The following PLAUR variants were observed in gnomAD, a reference collection of about 807,000 sequenced individuals.
PLAUR encodes the protein plasminogen activator, urokinase receptor.
In PLAUR, 22 loss-of-function variants were observed where a neutral mutation model predicts 33.4. The observed-to-expected ratio is 0.66, with a 90% confidence interval of 0.47 to 0.94. PLAUR has a LOEUF of 0.94. PLAUR is among the 40% of genes least tolerant of loss of function. PLAUR has a pLI of 0.00. For synonymous variants in PLAUR, 148 were observed against 167.3 expected (o/e 0.88, Z 0.89); for missense variants, 408 against 434.7 (o/e 0.94, Z 0.55).
intron 3 of PLAUR, among the ~76,000 whole-genome samples, chr19:43,664,890 G>C (rs1486178995): frequency 6.6e-6 from 1 of 152,150 alleles, no homozygotes; most frequent in African/African-American, 2.4e-5. Flanking sequence ...AGCTTGTTAA[G>C]GGCAGAGTTG....
At chr19:43,652,047 C>T in intron 6 of PLAUR, 178 bp downstream of exon 6, 1 of 1,389,788 alleles carries the variant, frequency 7.2e-7, no homozygotes, top group Non-Finnish European at 9.4e-7. Context: ...GCAAAAATGT[C>T]CACATCCTGA....
chr19:43,663,994 C>T (rs967235441), intron 3 of PLAUR, among the ~76,000 whole-genome samples: 3 of 152,082 alleles, frequency 2.0e-5, no homozygotes, highest in Non-Finnish European at 4.4e-5. Flanking sequence ...TGGAAAGGGG[C>T]AACACCAGGC....
At chr19:43,646,616 T>C, downstream of PLAUR, 1 of 701,924 alleles carries the variant, frequency 1.4e-6, no homozygotes, top group Non-Finnish European at 2.6e-6. Context: ...ACAGCAAAAC[T>C]TCCACCACAT....
chr19:43,664,830 A>G (rs1357702979), intron 3 of PLAUR, among the ~76,000 whole-genome samples: 1 of 152,224 alleles, frequency 6.6e-6, no homozygotes, highest in Non-Finnish European at 1.5e-5. Context: ...GCCCAGTCAG[A>G]TGGACAAACA....
chr19:43,649,884 C>T (rs1973922165), intron 6 of PLAUR, among the ~76,000 whole-genome samples: 1 of 152,080 alleles, frequency 6.6e-6, no homozygotes, highest in African/African-American at 2.4e-5. Flanking sequence ...CCAAAAACTC[C>T]AGGACATGTG....
At chr19:43,660,614 T>A (rs1838496042) in intron 3 of PLAUR, 1 of 151,810 alleles carries the variant, frequency 6.6e-6, no homozygotes, top group African/African-American at 2.4e-5. Context: ...CTTCAACCCC[T>A]CCTTAGACAA....
chr19:43,656,736 C>T, intron 3 of PLAUR, 96 bp from the exon 4 acceptor site: 2 of 1,007,376 alleles, frequency 2.0e-6, no homozygotes, highest in Non-Finnish European at 2.9e-6. Flanking sequence ...CCTCCTTATC[C>T]CACCCTGCAG....
chr19:43,660,055 T>G (rs1568559712), intron 3 of PLAUR, among the ~76,000 whole-genome samples: 1 of 152,232 alleles, frequency 6.6e-6, no homozygotes. Flanking sequence ...TCTGGTCAAT[T>G]GGTCCCTTTT....
At chr19:43,652,002 G>C in intron 6 of PLAUR, 1 of 1,306,440 alleles carries the variant, frequency 7.7e-7, no homozygotes, top group Non-Finnish European at 9.8e-7. Flanking sequence ...ACAAGCTTCA[G>C]CCACCGCACC....
intron 3 of PLAUR, among the ~76,000 whole-genome samples, chr19:43,657,799 A>AAATGAATGTT (rs1034278111): frequency 2.6e-5 from 4 of 152,204 alleles, no homozygotes; most frequent in African/African-American, 9.6e-5. Context: ...CATATTTGTT[A>AAATGAATGTT]AATGAATGAA....
At chr19:43,663,436 T>C (rs541089851) in intron 3 of PLAUR, among the ~76,000 whole-genome samples, 1 of 151,196 alleles carries the variant, frequency 6.6e-6, no homozygotes, top group African/African-American at 2.4e-5. Context: ...AAGTACTGAG[T>C]GCAGTTTAAC....
intron 5 of PLAUR, among the ~76,000 whole-genome samples, chr19:43,654,303 A>G (rs556927160): frequency 5.3e-5 from 8 of 151,828 alleles, no homozygotes; most frequent in Non-Finnish European, 2.9e-5. Flanking sequence ...AGAAAACACA[A>G]AACCCCAAAA....
At chr19:43,657,101 G>A (rs765279359) in intron 3 of PLAUR, among the ~76,000 whole-genome samples, 23 of 152,008 alleles carry the variant, frequency 1.5e-4, no homozygotes, top group South Asian at 1.5e-3. Context: ...GCACCATCAC[G>A]CTGGGCTAAT....
downstream of PLAUR, among the ~76,000 whole-genome samples, chr19:43,648,042 G>A (rs1973853072): frequency 6.6e-6 from 1 of 151,760 alleles, no homozygotes; most frequent in Non-Finnish European, 1.5e-5. Flanking sequence ...TTATTGTGGG[G>A]TTGGAAAGTC....
chr19:43,661,635 A>C (rs1967002369), intron 3 of PLAUR: 1 of 152,106 alleles, frequency 6.6e-6, no homozygotes, highest in Admixed American at 6.6e-5. Flanking sequence ...GAGCTCGAGC[A>C]ATTCACCTGT....
chr19:43,654,740 A>G (rs1225290932), intron 5 of PLAUR, among the ~76,000 whole-genome samples: 1 of 151,252 alleles, frequency 6.6e-6, no homozygotes, highest in African/African-American at 2.4e-5. Context: ...TCCCCCCCAT[A>G]CCCCCCAAAA....
At chr19:43,652,544 A>G (rs753173406) in intron 5 of PLAUR, among the ~76,000 whole-genome samples, 173 bp from the exon 6 acceptor site, 3 of 152,052 alleles carry the variant, frequency 2.0e-5, no homozygotes, top group Non-Finnish European at 4.4e-5. Flanking sequence ...CTTGAGAGAA[A>G]CCCCAACTTT....
At chr19:43,648,329 C>T (rs183270849), downstream of PLAUR, among the ~76,000 whole-genome samples, 9 of 152,186 alleles carry the variant, frequency 5.9e-5, no homozygotes, top group East Asian at 1.7e-3. Flanking sequence ...GCACCCGCCA[C>T]CACGTCCGGA....
Position 43,662,630 on chromosome 19 carries a change from C to T in PLAUR, c.310+2686G>A, listed in dbSNP as rs540010457. ...CCCTGCCAAGCTTTCCAGCTCATCT[C>T]GCCCCACTGTACTGTTTCCTTTGTC... On this transcript the variant is annotated intron_variant, in intron 3 of 6. Coordinates refer to ENST00000340093, the MANE Select transcript of PLAUR (RefSeq NM_002659.4). Among the ~76,000 whole-genome samples, 6 of 152,294 alleles carry T rather than the reference C, an allele frequency of 3.9e-5. No homozygotes were observed. The East Asian group carries it at 1.2e-3, about 29-fold the overall frequency.
Sources: gnomAD v4.1 joint callset for allele counts (sites outside exome capture counted in the v4.1 genomes callset) on GRCh38, gnomAD v4.1.1 for gene constraint, MANE v1.5 for transcripts, NCBI Gene and HGNC (gene_info 2026-07-23, HGNC 2026-07-21) for gene names.